Variants in ROR1 observed in about 807,000 individuals in gnomAD.
ROR1 encodes ROR family WNT receptor 1, also known as inactive tyrosine-protein kinase transmembrane receptor ROR1.
In ROR1, 19 loss-of-function variants were observed where a neutral mutation model predicts 78.8. The ratio of observed to expected loss-of-function variants is 0.24; its 90% CI spans 0.17 to 0.35. The LOEUF (loss-of-function observed/expected upper bound fraction) is 0.35, where lower values mean the gene tolerates loss of function less well. Among genes scored for constraint, ROR1 ranks in the 10% least tolerant of loss-of-function variants. The probability of loss-of-function intolerance (pLI) is 1.00; values close to 1 mark genes in which losing one functional copy is unlikely to be tolerated. For missense variants in ROR1, 917 were observed against 1,177.8 expected, an observed-to-expected ratio of 0.78 and a Z score of 3.24; for synonymous variants, 386 against 433.6, an observed-to-expected ratio of 0.89 and a Z score of 1.36.
chr1:63,841,709 T>A (rs892358388), intron 1 of ROR1, among the ~76,000 whole-genome samples: 3 of 152,230 alleles, frequency 2.0e-5, no homozygotes, highest in African/African-American at 7.2e-5. Context: ...GATCTGTTTT[T>A]AGCCATTTAT....
At chr1:64,053,260 A>T (rs1646847862) in intron 4 of ROR1, among the ~76,000 whole-genome samples, 1 of 152,198 alleles carries the variant, frequency 6.6e-6, no homozygotes, top group Non-Finnish European at 1.5e-5. Flanking sequence ...TAGACATATG[A>T]AACCTGGTGA....
intron 1 of ROR1, among the ~76,000 whole-genome samples, chr1:63,832,521 G>T (rs761433945): frequency 8.5e-5 from 13 of 152,152 alleles, no homozygotes; most frequent in Non-Finnish European, 1.6e-4. Context: ...TGGGGACACA[G>T]AGCCAAACCG....
At position 63,939,939 on chromosome 1, in the gene ROR1, T is replaced by C. The variant is rs77833258; in HGVS notation, c.92-69366T>C. Reference sequence around the variant, plus strand: ...AAGGATAATTCATTCAACGGGTTTCTACACTCATTTTCTTGTGAAGGAAGA... The same window carrying C: ...AAGGATAATTCATTCAACGGGTTTCCACACTCATTTTCTTGTGAAGGAAGA... On this transcript the variant is annotated intron_variant, in intron 1 of 8. Transcript: ENST00000371079. Among the ~76,000 whole-genome samples the C allele has an allele frequency of 1.1e-4, 16 of 152,312 alleles. 1 individual carries two copies. The highest frequency in any genetic ancestry group is 3.6e-4 in the African/African-American group (15 of 41,584).
At chr1:64,090,135 G>A (rs568784527) in intron 4 of ROR1, among the ~76,000 whole-genome samples, 4 of 152,156 alleles carry the variant, frequency 2.6e-5, no homozygotes, top group African/African-American at 9.6e-5. Flanking sequence ...GTCTTTATTA[G>A]CAGCATGAGA....
At chr1:63,993,245 T>C (rs1244065363) in intron 1 of ROR1, among the ~76,000 whole-genome samples, 1 of 152,204 alleles carries the variant, frequency 6.6e-6, no homozygotes, top group East Asian at 1.9e-4. Flanking sequence ...AGGTGCTCTT[T>C]CTATGGAGTC....
intron 1 of ROR1, among the ~76,000 whole-genome samples, chr1:63,875,017 T>C (rs1378105266): frequency 6.6e-6 from 1 of 152,118 alleles, no homozygotes; most frequent in Non-Finnish European, 1.5e-5. Flanking sequence ...GCTGGACCTT[T>C]TGGGGCCACC....
rs1646889370 is a variant in ROR1, at chr1:64,058,104, A to AT, written c.482+7394dup. Among the ~76,000 whole-genome samples the AT allele has an allele frequency of 2.0e-5, 3 of 152,044 alleles. No individual in the cohort carries two copies. The South Asian group carries it at 6.2e-4, about 31-fold the overall frequency. ...TATCTTTCATGCTATTGGAAATGGA[A>AT]TTTTTTCTTAATATCATCTCAGTTT... On this transcript the variant is annotated intron_variant, in intron 4 of 8. Transcript: ENST00000371079.
rs149714392 is a variant in ROR1, at chr1:64,023,192, G to C, written c.163+13816G>C. Among the ~76,000 whole-genome samples, 300 of 152,248 alleles carry C rather than the reference G, an allele frequency of 2.0e-3. 2 individuals are homozygous for C. Among genetic ancestry groups the C allele is most frequent in the African/African-American group, 6.7e-3 (279 of 41,552 alleles). On this transcript the variant is annotated intron_variant, in intron 2 of 8. Transcript: ENST00000371079. Reference sequence around the variant, plus strand: ...GAGATACTGCCCTTGCAGTGGTGCTGAGTAACAGAAGGATGCTAGCATCCT... The same window carrying C: ...GAGATACTGCCCTTGCAGTGGTGCTCAGTAACAGAAGGATGCTAGCATCCT...
rs139052595 is a variant in ROR1 at position 63,874,255 on chromosome 1, A to G, written c.91+99747A>G. On this transcript the variant is annotated intron_variant, in intron 1 of 8. Transcript: ENST00000371079. ...CTTTGGCATATTTTCAAAGTGTGGT[A>G]TGTTTCACTTTTGTTTAAACTTGTC... Among the ~76,000 whole-genome samples the G allele has an allele frequency of 1.1e-3, 165 of 152,296 alleles. 1 individual carries two copies. Among genetic ancestry groups the G allele is most frequent in the African/African-American group, 3.8e-3 (159 of 41,582 alleles).
At chr1:64,079,307 G>T (rs551182491) in intron 4 of ROR1, among the ~76,000 whole-genome samples, 3 of 152,292 alleles carry the variant, frequency 2.0e-5, no homozygotes, top group African/African-American at 7.2e-5. Flanking sequence ...TGCCAAGGAT[G>T]TTGTGCTGGA....
rs1206225008 is a variant in ROR1, at chr1:64,177,943, G to C, written c.1902G>C (p.Leu634Phe). 5 of 1,614,084 alleles carry C rather than the reference G, an allele frequency of 3.1e-6. No individual in the cohort carries two copies. The East Asian group carries it at 8.9e-5, about 29-fold the overall frequency. Residue 634 changes from leucine (L) to phenylalanine (F), a missense_variant, in exon 9 of 9, where the codon TTG (leucine) becomes TTC (phenylalanine). Leu to Phe is a conservative substitution (Grantham distance 22). This residue lies in a region of ROR1 where 835 missense variants were observed against 1,069.8 expected (regional missense o/e 0.78). Transcript: ENST00000371079. ...GEQLHVKISD[L>F]GLSREIYSAD... ...AACTTCATGTAAAGATTTCAGACTT[G>C]GGGCTTTCCAGAGAAATTTACTCCG... is the stretch of plus-strand genomic sequence containing the variant.
In ROR1 at chr1:63,854,216, G is replaced by A. The variant is rs191666461; in HGVS notation, c.91+79708G>A. Among the ~76,000 whole-genome samples the A allele has an allele frequency of 6.6e-5, 10 of 152,170 alleles. No individual in the cohort carries two copies. In the East Asian group the frequency reaches 9.7e-4, roughly 15 times the overall value. Reference sequence around the variant, plus strand: ...TTTATGTCATATAAAAATATGTGACGTATTACTGCTCTGCTGCCCATCTAT... The same window carrying A: ...TTTATGTCATATAAAAATATGTGACATATTACTGCTCTGCTGCCCATCTAT... On this transcript the variant is annotated intron_variant, in intron 1 of 8. Transcript: ENST00000371079.
intron 1 of ROR1, among the ~76,000 whole-genome samples, chr1:63,849,949 G>A (rs1288574058): frequency 6.6e-6 from 1 of 152,118 alleles, no homozygotes; most frequent in Non-Finnish European, 1.5e-5. Context: ...TACAACAAAA[G>A]CTCCCAGTGT....
intron 1 of ROR1, among the ~76,000 whole-genome samples, chr1:63,829,025 A>T (rs1453669014): frequency 6.6e-6 from 1 of 152,118 alleles, no homozygotes; most frequent in Non-Finnish European, 1.5e-5. Context: ...TGATATATTG[A>T]CTTATTTATT....
intron 2 of ROR1, among the ~76,000 whole-genome samples, chr1:64,035,006 C>T (rs1010820701): frequency 6.6e-6 from 1 of 152,152 alleles, no homozygotes; most frequent in Non-Finnish European, 1.5e-5. Context: ...TAAAGTGACA[C>T]CAAAATCCTC....
intron 1 of ROR1, among the ~76,000 whole-genome samples, chr1:64,008,884 C>T (rs1014135233): frequency 5.3e-5 from 8 of 152,200 alleles, no homozygotes; most frequent in South Asian, 2.1e-4. Flanking sequence ...CCACCTGCCT[C>T]GGCCTCCCAA....
At chr1:63,961,176 AC>A (rs1646024471) in intron 1 of ROR1, among the ~76,000 whole-genome samples, 2 of 152,002 alleles carry the variant, frequency 1.3e-5, no homozygotes, top group African/African-American at 2.4e-5. Flanking sequence ...AAGGTCTGGA[AC>A]AAAAAAACAA....
intron 1 of ROR1, among the ~76,000 whole-genome samples, chr1:63,922,144 C>T (rs576659552): frequency 6.6e-6 from 1 of 152,290 alleles, no homozygotes; most frequent in Non-Finnish European, 1.5e-5. Context: ...TTGCACTGAA[C>T]CCATTAAGAA....
chr1:64,086,133 C>G (rs1323346027), intron 4 of ROR1, among the ~76,000 whole-genome samples: 14 of 152,162 alleles, frequency 9.2e-5, no homozygotes, highest in Admixed American at 5.9e-4. Flanking sequence ...TTTTTACTGC[C>G]ATTTTTCAAA....
Sources: gnomAD v4.1 joint callset for allele counts (sites outside exome capture counted in the v4.1 genomes callset) on GRCh38, gnomAD v4.1.1 for gene constraint, gnomAD v4.1.1 regional missense constraint, MANE v1.5 for transcripts, NCBI Gene and HGNC (gene_info 2026-07-23, HGNC 2026-07-21) for gene names.